Variants in GSTCD observed in about 807,000 individuals in gnomAD.
The protein encoded by GSTCD is glutathione S-transferase C-terminal domain containing, also known as glutathione S-transferase C-terminal domain-containing protein.
GSTCD carries 44 observed loss-of-function variants against 68.3 expected under a neutral mutation model. The ratio of observed to expected loss-of-function variants is 0.64; its 90% CI spans 0.51 to 0.83. The LOEUF (loss-of-function observed/expected upper bound fraction) is 0.83. Ranked by LOEUF, GSTCD falls within the 40% of genes least tolerant of loss-of-function variation. GSTCD has a pLI of 0.00. For missense variants in GSTCD, 739 were observed against 735.9 expected (o/e 1.00, Z -0.05); for synonymous variants, 273 against 255.2 (o/e 1.07, Z -0.67).
At chr4:105,726,218 A>G (rs1578412241) in intron 3 of GSTCD, among the ~76,000 whole-genome samples, 1 of 152,182 alleles carries the variant, frequency 6.6e-6, no homozygotes, top group African/African-American at 2.4e-5. Context: ...ACGATTGGTC[A>G]ATGTAACTAT....
chr4:105,757,316 A>T (rs1167276779), intron 5 of GSTCD, among the ~76,000 whole-genome samples: 1 of 152,224 alleles, frequency 6.6e-6, no homozygotes, highest in Admixed American at 6.5e-5. Context: ...TCCCATTCTC[A>T]AAATGAATTC....
intron 5 of GSTCD, among the ~76,000 whole-genome samples, chr4:105,797,877 C>T (rs1735964195): frequency 2.0e-5 from 3 of 149,254 alleles, no homozygotes; most frequent in South Asian, 2.1e-4. Flanking sequence ...TGGGCTCAAG[C>T]GATTCTCCTG....
intron 8 of GSTCD, among the ~76,000 whole-genome samples, chr4:105,827,756 T>A (rs1723705759): frequency 6.6e-6 from 1 of 152,146 alleles, no homozygotes; most frequent in African/African-American, 2.4e-5. Context: ...CAATAAGGGC[T>A]TAGTTAGCAT....
At chr4:105,809,529 C>T (rs1451908139) in intron 5 of GSTCD, among the ~76,000 whole-genome samples, 1 of 152,032 alleles carries the variant, frequency 6.6e-6, no homozygotes, top group Non-Finnish European at 1.5e-5. Flanking sequence ...TGCTCTTTCT[C>T]CCCTTTCTAA....
At position 105,717,747 on chromosome 4, in the gene GSTCD, T is replaced by A. The variant is rs1286301763; in HGVS notation, c.134T>A (p.Ile45Asn). ...CTGTTATCTTACTGTGACTGTAAAA[T>A]CTTTAAAATTTGCTTAGTTGTCACC... is the stretch of plus-strand genomic sequence containing the variant. ...LFLLSYCDCK[I>N]FKICLVVTKE... Residue 45 changes from isoleucine (I) to asparagine (N), a missense_variant, in exon 2 of 12, where the codon ATC (isoleucine) becomes AAC (asparagine). Ile to Asn is a moderately radical substitution (Grantham distance 149). Transcript: ENST00000515279. 2 of 1,613,782 alleles carry A rather than the reference T, an allele frequency of 1.2e-6. No individual in the cohort carries two copies. The highest frequency in any genetic ancestry group is 2.7e-5 in the African/African-American group (2 of 74,922).
Position 105,845,657 on chromosome 4 carries a change from A to G in GSTCD, c.*80A>G. 6.9e-7 allele frequency: 1 copy of G among 1,454,020 alleles called. No homozygotes were observed. The highest frequency in any genetic ancestry group is 9.6e-7 in the Non-Finnish European group (1 of 1,045,988). The allele number at this position is 1,454,020 out of a possible 1,614,324, so 90.1% of individuals were successfully genotyped here. A position where few individuals can be genotyped will look rare whatever the true frequency, so the allele number is the denominator to read the frequency against. ...TGGCATTCAGGAGGTTCTTGGCATAACTAGGAAACAGCATTAGCCATCTTG... is the reference window on the plus strand; with the variant it reads ...TGGCATTCAGGAGGTTCTTGGCATAGCTAGGAAACAGCATTAGCCATCTTG... On this transcript the variant is annotated 3_prime_UTR_variant, in exon 12 of 12. Coordinates refer to ENST00000515279, the MANE Select transcript of GSTCD (RefSeq NM_001370181.1).
At chr4:105,734,880 G>A (rs962570389) in intron 5 of GSTCD, among the ~76,000 whole-genome samples, 1 of 152,140 alleles carries the variant, frequency 6.6e-6, no homozygotes, top group South Asian at 2.1e-4. Flanking sequence ...CTGTCTGTTT[G>A]TTAGTTTTCC....
rs181686578 is a variant in GSTCD at position 105,783,939 on chromosome 4, A to G, written c.1241-39015A>G. Among the ~76,000 whole-genome samples, 138 of 152,296 alleles carry G rather than the reference A, an allele frequency of 9.1e-4. 1 individual carries two copies. The highest frequency in any genetic ancestry group is 3.2e-3 in the African/African-American group (133 of 41,560). On this transcript the variant is annotated intron_variant, in intron 5 of 11. Transcript: ENST00000515279. The stretch of plus-strand genomic sequence containing the variant: ...ATGTCCATCAATTTGAGTTTGTCTG[A>G]TTAGATTCATATTATGGATTTGGGG...
chr4:105,763,664 T>C (rs569494047), intron 5 of GSTCD, among the ~76,000 whole-genome samples: 17 of 152,290 alleles, frequency 1.1e-4, no homozygotes, highest in Admixed American at 3.9e-4. Flanking sequence ...AAAGGAGTAA[T>C]TATAAACATA....
chr4:105,760,996 ATTTTT>A (rs35581423), intron 5 of GSTCD: 736 of 174,338 alleles, frequency 4.2e-3, no homozygotes, highest in Middle Eastern at 0.012. Flanking sequence ...TCCTTTTTTA[ATTTTT>A]TTTTTTTTTT....
intron 5 of GSTCD, among the ~76,000 whole-genome samples, chr4:105,746,931 A>G (rs1733824581): frequency 2.0e-5 from 3 of 152,228 alleles, no homozygotes; most frequent in South Asian, 2.1e-4. Flanking sequence ...GTATGTTTCT[A>G]TAAACCAACA....
intron 5 of GSTCD, among the ~76,000 whole-genome samples, chr4:105,799,418 T>C (rs1371497318): frequency 6.6e-6 from 1 of 152,214 alleles, no homozygotes; most frequent in Non-Finnish European, 1.5e-5. Context: ...TTAATAGTTC[T>C]AGCCTTTGAT....
intron 5 of GSTCD, among the ~76,000 whole-genome samples, chr4:105,797,046 A>ATGTGTGTGTGTGTG (rs201988913): frequency 1.4e-5 from 2 of 145,518 alleles, no homozygotes; most frequent in African/African-American, 5.0e-5. Context: ...ACAGAGATAC[A>ATGTGTGTGTGTGTG]TGTGTGTGTG....
chr4:105,769,233 G>GAT (rs139425249), intron 5 of GSTCD, among the ~76,000 whole-genome samples: 362 of 146,334 alleles, frequency 2.5e-3, no homozygotes, highest in African/African-American at 8.3e-3. Context: ...ATACACGCGC[G>GAT]CACACACACA....
intron 7 of GSTCD, among the ~76,000 whole-genome samples, chr4:105,824,002 C>G (rs1186391869): frequency 1.3e-5 from 2 of 152,084 alleles, no homozygotes; most frequent in African/African-American, 2.4e-5. Context: ...TAAATCAGTT[C>G]CTCACTGTGA....
chr4:105,760,351 G>T (rs570932887), intron 5 of GSTCD, among the ~76,000 whole-genome samples: 11 of 152,190 alleles, frequency 7.2e-5, no homozygotes, highest in African/African-American at 2.6e-4. Context: ...AATCTATATT[G>T]TTTTGGAATA....
At chr4:105,768,109 C>T (rs1049473991) in intron 5 of GSTCD, among the ~76,000 whole-genome samples, 1 of 151,254 alleles carries the variant, frequency 6.6e-6, no homozygotes, top group African/African-American at 2.4e-5. Flanking sequence ...GATCTCGGCT[C>T]ACTGCAAGCT....
intron 5 of GSTCD, among the ~76,000 whole-genome samples, chr4:105,731,476 T>G (rs1215141836): frequency 1.3e-5 from 2 of 152,222 alleles, no homozygotes; most frequent in African/African-American, 2.4e-5. Context: ...CCTAGGTATT[T>G]TATTCTCTTT....
At chr4:105,841,988 GT>G in intron 10 of GSTCD, 76 bp from the exon 11 acceptor site, 1 of 1,068,150 alleles carries the variant, frequency 9.4e-7, no homozygotes, top group Non-Finnish European at 1.4e-6. Flanking sequence ...AAATGAGGTA[GT>G]TTTTTTGGTG....
Sources: allele counts gnomAD v4.1 joint callset (sites outside exome capture counted in the v4.1 genomes callset), GRCh38; gene constraint gnomAD v4.1.1; transcripts MANE v1.5; gene names NCBI Gene and HGNC (gene_info 2026-07-23, HGNC 2026-07-21).